The following SPATA6 variants were observed in gnomAD, a reference collection of about 807,000 sequenced individuals.
SPATA6 encodes spermatogenesis associated 6.
In SPATA6, 56 loss-of-function variants were observed where a neutral mutation model predicts 65.3. The observed-to-expected ratio is 0.86, with a 90% confidence interval of 0.69 to 1.07. SPATA6 has a LOEUF of 1.07. Ranked by LOEUF, SPATA6 falls within the 50% of genes least tolerant of loss-of-function variation. SPATA6 has a pLI of 0.00. For missense variants in SPATA6, 590 were observed against 594.8 expected, an observed-to-expected ratio of 0.99 and a Z score of 0.08; for synonymous variants, 199 against 213.2, an observed-to-expected ratio of 0.93 and a Z score of 0.58.
intron 3 of SPATA6, among the ~76,000 whole-genome samples, chr1:48,439,805 C>A (rs1365832872): frequency 6.6e-6 from 1 of 152,164 alleles, no homozygotes; most frequent in Non-Finnish European, 1.5e-5. Flanking sequence ...GACCCGCAAA[C>A]CCTGAAAAAG....
chr1:48,307,418 C>A (rs1245233143), intron 11 of SPATA6, among the ~76,000 whole-genome samples: 2 of 148,438 alleles, frequency 1.3e-5, no homozygotes, highest in African/African-American at 4.9e-5. Flanking sequence ...ATATAACTTG[C>A]CCTTTGAAAA....
intron 1 of SPATA6, among the ~76,000 whole-genome samples, chr1:48,464,516 C>T (rs1238550595): frequency 6.6e-6 from 1 of 151,918 alleles, no homozygotes; most frequent in Non-Finnish European, 1.5e-5. Context: ...TTGTAATATC[C>T]CCAAACTAGA....
chr1:48,453,205 A>C, intron 1 of SPATA6, 74 bp from the exon 2 acceptor site: 2 of 1,442,046 alleles, frequency 1.4e-6, no homozygotes, highest in African/African-American at 2.9e-5. Flanking sequence ...ATAACTTATC[A>C]AATATTACAT....
At chr1:48,424,378 T>G (rs891378124) in intron 3 of SPATA6, among the ~76,000 whole-genome samples, 2 of 152,198 alleles carry the variant, frequency 1.3e-5, no homozygotes, top group African/African-American at 4.8e-5. Context: ...AATGTATACT[T>G]TATTAATTCA....
intron 5 of SPATA6, 127 bp from the exon 6 acceptor site, chr1:48,404,009 T>C: frequency 1.6e-6 from 1 of 624,792 alleles, no homozygotes; most frequent in Non-Finnish European, 2.7e-6. Context: ...TAGTTTGAAC[T>C]TTTCATTAAA....
intron 5 of SPATA6, among the ~76,000 whole-genome samples, chr1:48,407,571 T>C (rs143676630): frequency 1.1e-3 from 161 of 152,330 alleles, no homozygotes; most frequent in African/African-American, 3.8e-3. Context: ...AGATAAACTT[T>C]AGTTCTCACT....
At chr1:48,406,828 C>G (rs1651757141) in intron 5 of SPATA6, among the ~76,000 whole-genome samples, 1 of 152,136 alleles carries the variant, frequency 6.6e-6, no homozygotes, top group East Asian at 1.9e-4. Flanking sequence ...GGTGCTTTGC[C>G]AAAGGTTACT....
chr1:48,265,877 C>A, the SPATA6 span, among the ~76,000 whole-genome samples: 1 of 152,134 alleles, frequency 6.6e-6, no homozygotes, highest in Non-Finnish European at 1.5e-5. Context: ...GCTTATCCCC[C>A]TAAATAGATT....
the SPATA6 span, among the ~76,000 whole-genome samples, chr1:48,286,152 G>A: frequency 6.6e-6 from 1 of 151,656 alleles, no homozygotes; most frequent in Admixed American, 6.6e-5. Context: ...TTGGCTATTT[G>A]GGGACATTTT....
intron 2 of SPATA6, among the ~76,000 whole-genome samples, chr1:48,452,503 C>T (rs565309862): frequency 6.6e-6 from 1 of 151,972 alleles, no homozygotes; most frequent in Non-Finnish European, 1.5e-5. Context: ...CCTGCCTCAG[C>T]CTCCCGAGTA....
At chr1:48,434,283 AAAAATCTCTACTCC>A (rs933780026) in intron 3 of SPATA6, among the ~76,000 whole-genome samples, 3 of 149,364 alleles carry the variant, frequency 2.0e-5, no homozygotes, top group Non-Finnish European at 3.0e-5. Flanking sequence ...AAAAAACAGG[AAAAATCTCTACTCC>A]TATAAAACTG....
intron 8 of SPATA6, among the ~76,000 whole-genome samples, chr1:48,388,894 A>T (rs1397828111): frequency 6.6e-6 from 1 of 151,046 alleles, no homozygotes; most frequent in South Asian, 2.1e-4. Context: ...TTTATTTTTT[A>T]TTTTTTTTGA....
intron 10 of SPATA6, among the ~76,000 whole-genome samples, chr1:48,359,105 C>T (rs1303958822): frequency 1.3e-5 from 2 of 152,042 alleles, no homozygotes; most frequent in Non-Finnish European, 2.9e-5. Flanking sequence ...ACTCTGGTTG[C>T]CATAGCATTT....
chr1:48,324,922 T>G (rs760514369), intron 11 of SPATA6, among the ~76,000 whole-genome samples: 1 of 152,208 alleles, frequency 6.6e-6, no homozygotes, highest in East Asian at 1.9e-4. Context: ...TCCTTGCAGA[T>G]GATGCAATTT....
intron 11 of SPATA6, among the ~76,000 whole-genome samples, chr1:48,313,824 G>T (rs1423318117): frequency 6.6e-6 from 1 of 152,086 alleles, no homozygotes; most frequent in African/African-American, 2.4e-5. Flanking sequence ...GACACACATA[G>T]GCTCAAAATA....
At chr1:48,453,253 C>A in intron 1 of SPATA6, 122 bp from the exon 2 acceptor site, 3 of 1,089,676 alleles carry the variant, frequency 2.8e-6, no homozygotes, top group Non-Finnish European at 3.8e-6. Context: ...AAAATACTCA[C>A]AAATAAAGAG....
intron 11 of SPATA6, among the ~76,000 whole-genome samples, chr1:48,319,064 T>A (rs1170739047): frequency 6.6e-6 from 1 of 152,094 alleles, no homozygotes; most frequent in East Asian, 1.9e-4. Context: ...GATTTCCACA[T>A]GAAAAAGAAT....
intron 9 of SPATA6, among the ~76,000 whole-genome samples, chr1:48,367,496 T>C (rs1319271576): frequency 6.6e-6 from 1 of 152,242 alleles, no homozygotes; most frequent in African/African-American, 2.4e-5. Flanking sequence ...TTGGTGCATA[T>C]ATATTTAGGA....
chr1:48,459,895 A>G (rs1657297732), intron 1 of SPATA6, among the ~76,000 whole-genome samples: 1 of 152,246 alleles, frequency 6.6e-6, no homozygotes, highest in African/African-American at 2.4e-5. Flanking sequence ...AGAAGAAATT[A>G]TAAGACAAAT....
Sources: allele counts gnomAD v4.1 joint callset (sites outside exome capture counted in the v4.1 genomes callset), GRCh38; gene constraint gnomAD v4.1.1; transcripts MANE v1.5; gene names NCBI Gene and HGNC (gene_info 2026-07-23, HGNC 2026-07-21).